The following MRPL1 variants were observed in gnomAD, a reference collection of about 807,000 sequenced individuals.
MRPL1 encodes the protein large ribosomal subunit protein uL1m.
In MRPL1, 28 loss-of-function variants were observed where a neutral mutation model predicts 38.0. The observed-to-expected ratio is 0.74, with a 90% CI of 0.55 to 1.01. MRPL1 has a LOEUF of 1.01. MRPL1 is among the 50% of genes least tolerant of loss of function. The pLI, the probability that MRPL1 is intolerant of heterozygous loss-of-function variation, is 0.00. For missense variants in MRPL1, 358 were observed against 389.8 expected (o/e 0.92, Z 0.69); for synonymous variants, 123 against 126.7 (o/e 0.97, Z 0.20).
chr4:77,942,483 T>C (rs1335066310), intron 7 of MRPL1, among the ~76,000 whole-genome samples: 1 of 152,178 alleles, frequency 6.6e-6, no homozygotes, highest in African/African-American at 2.4e-5. Context: ...CCACTATTAT[T>C]GTGTTGCTGT....
In MRPL1 at chr4:77,862,834, TC is replaced by T. The variant is rs1735029625; in HGVS notation, c.-13del. 1 of 1,614,068 alleles carries T rather than the reference TC, an allele frequency of 6.2e-7. No homozygotes were observed. ...CGTAGGAACAATTTCGTGAACGCAA[TC>T]CGGAGTGCCCAACATGGCGGCGGCC... On this transcript the variant is annotated 5_prime_UTR_variant, in exon 1 of 9. Transcript: ENST00000315567.
intron 7 of MRPL1, among the ~76,000 whole-genome samples, chr4:77,924,216 T>C (rs1006063279): frequency 4.7e-5 from 4 of 85,334 alleles, no homozygotes; most frequent in African/African-American, 2.8e-4. Context: ...TCTATAGTTA[T>C]TGGTACTATT....
chr4:77,931,226 A>G (rs1736837086), intron 7 of MRPL1, among the ~76,000 whole-genome samples: 1 of 152,238 alleles, frequency 6.6e-6, no homozygotes, highest in African/African-American at 2.4e-5. Context: ...AACAGAAGCA[A>G]TTATTGAAGG....
intron 7 of MRPL1, among the ~76,000 whole-genome samples, chr4:77,948,929 C>T (rs1737340938): frequency 6.6e-6 from 1 of 152,142 alleles, no homozygotes; most frequent in Non-Finnish European, 1.5e-5. Context: ...TGCCACCACA[C>T]TTGGCTAATT....
intron 7 of MRPL1, among the ~76,000 whole-genome samples, chr4:77,939,924 C>T (rs761258354): frequency 6.6e-6 from 1 of 152,102 alleles, no homozygotes; most frequent in Non-Finnish European, 1.5e-5. Context: ...ATACCAGTAC[C>T]ATGCTGTTTT....
At chr4:77,879,924 A>G (rs1210828499) in intron 2 of MRPL1, among the ~76,000 whole-genome samples, 1 of 152,212 alleles carries the variant, frequency 6.6e-6, no homozygotes, top group Non-Finnish European at 1.5e-5. Context: ...GGAGGGTACT[A>G]TTATTAGTGG....
intron 1 of MRPL1, 42 bp downstream of exon 1, chr4:77,862,921 C>T (rs780478064): frequency 1.9e-6 from 3 of 1,613,298 alleles, no homozygotes; most frequent in Admixed American, 3.3e-5. Flanking sequence ...GGCTCTGGCA[C>T]CGAGTCTCTG....
At chr4:77,876,118 G>C (rs112673191) in intron 2 of MRPL1, among the ~76,000 whole-genome samples, 8,426 of 152,054 alleles carry the variant, frequency 0.055, 302 homozygotes, top group African/African-American at 0.1. Context: ...GATTACAGGC[G>C]TGCACCACCA....
intron 6 of MRPL1, among the ~76,000 whole-genome samples, chr4:77,907,729 G>A (rs1422119033): frequency 5.3e-5 from 8 of 151,622 alleles, no homozygotes; most frequent in Admixed American, 5.3e-4. Context: ...CACCTCAGCT[G>A]ATTTTTGTAT....
chr4:77,865,168 G>A (rs1029968438), intron 1 of MRPL1, among the ~76,000 whole-genome samples: 4 of 152,038 alleles, frequency 2.6e-5, no homozygotes, highest in Admixed American at 6.5e-5. Flanking sequence ...GGGATTACAG[G>A]CATGAGCCAC....
intron 7 of MRPL1, among the ~76,000 whole-genome samples, chr4:77,933,359 C>T (rs938929166): frequency 6.6e-6 from 1 of 152,126 alleles, no homozygotes; most frequent in African/African-American, 2.4e-5. Context: ...AGTGGAGAAA[C>T]ATTTGGTTGC....
At chr4:77,924,009 A>G (rs1736650001) in intron 7 of MRPL1, among the ~76,000 whole-genome samples, 1 of 152,212 alleles carries the variant, frequency 6.6e-6, no homozygotes, top group Admixed American at 6.5e-5. Context: ...TCAAAAAAAA[A>G]AAAAATAGTT....
Position 77,910,546 on chromosome 4 carries a change from T to C in MRPL1, c.777+1174T>C, listed in dbSNP as rs556683708. Among the ~76,000 whole-genome samples, 69 of 152,234 alleles carry C rather than the reference T, an allele frequency of 4.5e-4. No individual in the cohort carries two copies. The South Asian group carries it at 9.7e-3, about 22-fold the overall frequency. On this transcript the variant is annotated intron_variant, in intron 7 of 8. Coordinates refer to ENST00000315567, the MANE Select transcript of MRPL1 (RefSeq NM_020236.4). ...CTAGCTACTTGGGAGGCTGAGGCGATCCCTGGGATCACCAAGGTTGCAGAG... is the reference window on the plus strand; with the variant it reads ...CTAGCTACTTGGGAGGCTGAGGCGACCCCTGGGATCACCAAGGTTGCAGAG...
chr4:77,890,373 C>G (rs1479584787), intron 5 of MRPL1, among the ~76,000 whole-genome samples: 1 of 152,048 alleles, frequency 6.6e-6, no homozygotes, highest in East Asian at 1.9e-4. Flanking sequence ...TAAACAGAAC[C>G]AAAGACAAAA....
At chr4:77,869,242 T>G (rs1235098320) in intron 1 of MRPL1, among the ~76,000 whole-genome samples, 1 of 152,204 alleles carries the variant, frequency 6.6e-6, no homozygotes, top group Non-Finnish European at 1.5e-5. Flanking sequence ...GTTGTTTCTA[T>G]CTCATTGCCA....
chr4:77,866,749 C>CT lies in MRPL1; in HGVS notation c.31+3885dup, dbSNP rs199562168. On this transcript the variant is annotated intron_variant, in intron 1 of 8. Coordinates refer to ENST00000315567, the MANE Select transcript of MRPL1 (RefSeq NM_020236.4). ...AACTCTTTGCTGAAATATCACCCCCCTTTTTTTTTTTTTTTGAGACAGAGT... is the reference window on the plus strand; with the variant it reads ...AACTCTTTGCTGAAATATCACCCCCCTTTTTTTTTTTTTTTTGAGACAGAGT... Among the ~76,000 whole-genome samples, 362 of 144,782 alleles carry CT rather than the reference C, an allele frequency of 2.5e-3. 2 individuals carry two copies. In the East Asian group the frequency reaches 0.033, roughly 13 times the overall value. 95.0% of individuals were successfully genotyped at this position (144,782 alleles called of 152,430 possible). A position where few individuals can be genotyped will look rare whatever the true frequency, so the allele number is the denominator to read the frequency against.
rs139560551 is a variant in MRPL1, at chr4:77,922,223, A to G, written c.777+12851A>G. On this transcript the variant is annotated intron_variant, in intron 7 of 8. Transcript: ENST00000315567. ...ATTTTAGATAGGATATCTCATGTGA[A>G]CTTCTCTAAAAACATGACTTTTGAA... Among the ~76,000 whole-genome samples the G allele has an allele frequency of 5.9e-5, 9 of 152,294 alleles. No individual in the cohort carries two copies. In the East Asian group the frequency reaches 1.7e-3, roughly 29 times the overall value.
intron 4 of MRPL1, among the ~76,000 whole-genome samples, chr4:77,886,880 C>A (rs536562710): frequency 6.6e-6 from 1 of 151,244 alleles, no homozygotes; most frequent in Non-Finnish European, 1.5e-5. Flanking sequence ...GCATCCTCCC[C>A]CTCCTGGGTT....
chr4:77,901,681 C>A (rs189118707), intron 6 of MRPL1, among the ~76,000 whole-genome samples: 1 of 152,250 alleles, frequency 6.6e-6, no homozygotes, highest in Admixed American at 6.5e-5. Flanking sequence ...TAATAAGACT[C>A]ATCTTAAAGC....
Sources: gnomAD v4.1 joint callset for allele counts (sites outside exome capture counted in the v4.1 genomes callset) on GRCh38, gnomAD v4.1.1 for gene constraint, MANE v1.5 for transcripts, NCBI Gene and HGNC (gene_info 2026-07-23, HGNC 2026-07-21) for gene names.